The following SIRPG variants were observed in gnomAD, a reference collection of about 807,000 sequenced individuals.
SIRPG encodes signal-regulatory protein gamma.
SIRPG carries 38 observed loss-of-function variants against 35.7 expected under a neutral mutation model. The observed-to-expected ratio is 1.06, with a 90% CI of 0.82 to 1.40. The LOEUF is 1.40. Ranked by LOEUF, SIRPG falls within the 40% of genes most tolerant of loss-of-function variation. The pLI is 0.00. For missense variants in SIRPG, 519 were observed against 483.0 expected (o/e 1.07, Z -0.70); for synonymous variants, 215 against 190.4 (o/e 1.13, Z -1.06).
the SIRPG span, among the ~76,000 whole-genome samples, chr20:1,671,433 C>T: frequency 2.6e-5 from 4 of 152,132 alleles, no homozygotes; most frequent in Non-Finnish European, 5.9e-5. Flanking sequence ...AATCTGGGCA[C>T]AGGAACAAAG....
rs371952403 is a variant in SIRPG at position 1,632,370 on chromosome 20, C to T, written c.1082-2064G>A. ...CCTAACCCTAGTGCACAGTCTCTTA[C>T]CCGGCTCCCACGCCACTGGTGCAGC... On this transcript the variant is annotated intron_variant, in intron 4 of 5. Transcript: ENST00000303415. 2.6e-5 allele frequency among the ~76,000 whole-genome samples: 4 copies of T among 152,162 alleles called. No homozygotes were observed. The East Asian group carries it at 7.7e-4, about 29-fold the overall frequency.
chr20:1,659,676 C>T (rs10211807), upstream of SIRPG, among the ~76,000 whole-genome samples: 41,116 of 152,102 alleles, frequency 0.27, 6,169 homozygotes, highest in East Asian at 0.62. Context: ...CAAGATCACC[C>T]GGCTTTTAGA....
chr20:1,650,004 G>GTATATATATATATATATATATATATA (rs71193923), intron 1 of SIRPG, among the ~76,000 whole-genome samples: 34 of 98,776 alleles, frequency 3.4e-4, no homozygotes, highest in Middle Eastern at 4.5e-3. Context: ...TTTGAAGTGT[G>GTATATATATATATATATATATATATA]TATATATATA....
the SIRPG span, among the ~76,000 whole-genome samples, chr20:1,675,873 G>A: frequency 6.6e-6 from 1 of 151,884 alleles, no homozygotes; most frequent in Non-Finnish European, 1.5e-5. Flanking sequence ...GAGCTGCACT[G>A]TTTTTTTTCT....
chr20:1,672,837 G>A, the SIRPG span, among the ~76,000 whole-genome samples: 6 of 152,086 alleles, frequency 3.9e-5, no homozygotes, highest in Non-Finnish European at 5.9e-5. Context: ...CTTCAGTTGG[G>A]TCAGGTTTGG....
intron 1 of SIRPG, among the ~76,000 whole-genome samples, chr20:1,656,887 A>T (rs1024689168): frequency 2.6e-5 from 4 of 152,116 alleles, no homozygotes; most frequent in Admixed American, 1.3e-4. Flanking sequence ...ATTTTTTTTT[A>T]ATTTGAAAAA....
At chr20:1,664,287 A>G in the SIRPG span, among the ~76,000 whole-genome samples, 1 of 152,202 alleles carries the variant, frequency 6.6e-6, no homozygotes, top group African/African-American at 2.4e-5. Context: ...ACTATCTTGG[A>G]TGCTTAAACA....
At chr20:1,634,400 G>A (rs1314192904) in intron 4 of SIRPG, among the ~76,000 whole-genome samples, 1 of 151,598 alleles carries the variant, frequency 6.6e-6, no homozygotes, top group East Asian at 2.0e-4. Context: ...GTAGAGATGG[G>A]GTTTCACCGT....
At chr20:1,683,450 T>A in the SIRPG span, among the ~76,000 whole-genome samples, 4 of 152,212 alleles carry the variant, frequency 2.6e-5, no homozygotes, top group Non-Finnish European at 5.9e-5. Flanking sequence ...TGCACCCATA[T>A]CCATTGCAGC....
intron 1 of SIRPG, among the ~76,000 whole-genome samples, chr20:1,649,626 G>A (rs1310632810): frequency 8.9e-5 from 9 of 101,672 alleles, no homozygotes; most frequent in East Asian, 3.8e-4. Flanking sequence ...GCACAGAGAG[G>A]TTCTTTTTTT....
chr20:1,654,352 A>G (rs148616614), intron 1 of SIRPG, among the ~76,000 whole-genome samples: 3 of 152,268 alleles, frequency 2.0e-5, no homozygotes, highest in African/African-American at 7.2e-5. Flanking sequence ...AGATATATAG[A>G]CCAATGGATC....
chr20:1,631,137 G>T (rs536410668), intron 4 of SIRPG, among the ~76,000 whole-genome samples: 17 of 152,194 alleles, frequency 1.1e-4, no homozygotes, highest in Admixed American at 1.0e-3. Context: ...CATTTTTAAC[G>T]CGAGCAGTTT....
rs185572154 is a variant in SIRPG, at chr20:1,631,292, T to G, written c.1082-986A>C. On this transcript the variant is annotated intron_variant, in intron 4 of 5. Coordinates refer to ENST00000303415, the MANE Select transcript of SIRPG (RefSeq NM_018556.4). ...CAGCTGGGTGGCTCTCTGGGACTTCTTCTCCCTTGAGGAAAGCTGCACTGC... is the reference window on the plus strand; with the variant it reads ...CAGCTGGGTGGCTCTCTGGGACTTCGTCTCCCTTGAGGAAAGCTGCACTGC... Among the ~76,000 whole-genome samples, 353 of 152,272 alleles carry G rather than the reference T, an allele frequency of 2.3e-3. 1 individual carries two copies. The highest frequency in any genetic ancestry group is 4.3e-3 in the Non-Finnish European group (293 of 68,016).
At chr20:1,635,201 C>T in intron 4 of SIRPG, 66 bp downstream of exon 4, 1 of 1,276,760 alleles carries the variant, frequency 7.8e-7, no homozygotes. Flanking sequence ...TATTTTACAG[C>T]AAGTGTGGAT....
At chr20:1,672,625 C>T in the SIRPG span, among the ~76,000 whole-genome samples, 13 of 152,302 alleles carry the variant, frequency 8.5e-5, no homozygotes, top group South Asian at 2.7e-3. Flanking sequence ...CTATACAAAA[C>T]CTTTCCCGCA....
the SIRPG span, among the ~76,000 whole-genome samples, chr20:1,683,181 T>A: frequency 6.6e-6 from 1 of 152,160 alleles, no homozygotes; most frequent in African/African-American, 2.4e-5. Context: ...GAAATGCAAA[T>A]TAAATCCATA....
chr20:1,637,769 A>T (rs1410501464), intron 2 of SIRPG: 1 of 152,212 alleles, frequency 6.6e-6, no homozygotes, highest in Non-Finnish European at 1.5e-5. Context: ...TCGTTAATTC[A>T]TTACAAGAGA....
intron 5 of SIRPG, 114 bp from the exon 6 acceptor site, chr20:1,629,750 G>T (rs545224609): frequency 1.2e-5 from 2 of 162,072 alleles, no homozygotes; most frequent in African/African-American, 4.8e-5. Flanking sequence ...CTGGTGGACA[G>T]GCAGTCCTGA....
intron 3 of SIRPG, 90 bp downstream of exon 3, chr20:1,636,098 G>A: frequency 1.3e-6 from 2 of 1,570,084 alleles, no homozygotes; most frequent in South Asian, 1.1e-5. Flanking sequence ...TAGATTACAG[G>A]CCATTCAACC....
Sources: allele counts gnomAD v4.1 joint callset (sites outside exome capture counted in the v4.1 genomes callset), GRCh38; gene constraint gnomAD v4.1.1; transcripts MANE v1.5; gene names NCBI Gene and HGNC (gene_info 2026-07-23, HGNC 2026-07-21).